CCSER1: variants seen among roughly 807,000 people sequenced by gnomAD.
CCSER1 encodes serine-rich coiled-coil domain-containing protein 1.
Under a neutral mutation model 82.0 loss-of-function variants are expected in CCSER1, and 41 were observed. The ratio of observed to expected loss-of-function variants is 0.50; its 90% CI spans 0.39 to 0.65. CCSER1 has a LOEUF of 0.65. Among genes scored for constraint, CCSER1 ranks in the 30% least tolerant of loss-of-function variants. The pLI is 0.00. For missense variants in CCSER1, 1,119 were observed against 1,064.2 expected, an observed-to-expected ratio of 1.05 and a Z score of -0.72; for synonymous variants, 414 against 383.9, an observed-to-expected ratio of 1.08 and a Z score of -0.92.
intron 8 of CCSER1, among the ~76,000 whole-genome samples, chr4:90,875,212 G>T (rs1289120895): frequency 1.3e-5 from 2 of 152,082 alleles, no homozygotes; most frequent in African/African-American, 4.8e-5. Flanking sequence ...ACAATTACGT[G>T]TTGCACATCA....
chr4:91,397,125 G>T (rs1221364188), intron 10 of CCSER1, among the ~76,000 whole-genome samples: 1 of 152,026 alleles, frequency 6.6e-6, no homozygotes, highest in Non-Finnish European at 1.5e-5. Flanking sequence ...TTCTTGAAAT[G>T]ACTCTCTTGT....
chr4:90,629,211 A>G (rs1723891556), intron 6 of CCSER1, among the ~76,000 whole-genome samples: 1 of 152,210 alleles, frequency 6.6e-6, no homozygotes, highest in Admixed American at 6.5e-5. Context: ...GAAAAAAGGC[A>G]GTATAAAAGA....
At chr4:91,106,014 A>G (rs774299316) in intron 10 of CCSER1, among the ~76,000 whole-genome samples, 5 of 152,208 alleles carry the variant, frequency 3.3e-5, no homozygotes, top group Non-Finnish European at 7.3e-5. Context: ...TTATTATCTG[A>G]TAATCAAAGT....
intron 10 of CCSER1, among the ~76,000 whole-genome samples, chr4:91,417,511 A>G (rs532632044): frequency 1.3e-5 from 2 of 152,198 alleles, no homozygotes; most frequent in Non-Finnish European, 2.9e-5. Flanking sequence ...CTATGCAGCT[A>G]TAAAAAGGAA....
chr4:90,227,755 A>G (rs903992723), intron 1 of CCSER1, among the ~76,000 whole-genome samples: 1 of 152,160 alleles, frequency 6.6e-6, no homozygotes, highest in Non-Finnish European at 1.5e-5. Flanking sequence ...GCGCAAGTCA[A>G]TGGGTGCGCG....
chr4:91,567,609 T>C lies in CCSER1; in HGVS notation c.2218-30963T>C, dbSNP rs1762953665. On this transcript the variant is annotated intron_variant, in intron 10 of 10. Transcript: ENST00000509176. ...TAATATAGTTAGGTCTTTTGTTGAATTGAATTCTTTGCCATTATGTAATGC... is the reference window on the plus strand; with the variant it reads ...TAATATAGTTAGGTCTTTTGTTGAACTGAATTCTTTGCCATTATGTAATGC... 2.0e-5 allele frequency among the ~76,000 whole-genome samples: 3 copies of C among 152,180 alleles called. No homozygotes were observed. The South Asian group carries it at 6.2e-4, about 31-fold the overall frequency.
intron 5 of CCSER1, among the ~76,000 whole-genome samples, chr4:90,494,423 C>T (rs1290141716): frequency 6.6e-6 from 1 of 152,170 alleles, no homozygotes; most frequent in Admixed American, 6.5e-5. Context: ...ACCTAATAGA[C>T]ATCTACAGAA....
At chr4:90,375,906 G>A (rs1435261819) in intron 3 of CCSER1, among the ~76,000 whole-genome samples, 2 of 152,180 alleles carry the variant, frequency 1.3e-5, no homozygotes, top group African/African-American at 2.4e-5. Context: ...ACCGGAGACT[G>A]TAAGGCTTCC....
chr4:90,734,052 T>C (rs1443522820), intron 7 of CCSER1, among the ~76,000 whole-genome samples: 1 of 151,974 alleles, frequency 6.6e-6, no homozygotes, highest in Non-Finnish European at 1.5e-5. Flanking sequence ...TTGTTTTTAA[T>C]ATTTTTGTGA....
intron 8 of CCSER1, among the ~76,000 whole-genome samples, chr4:90,852,483 G>C (rs966467282): frequency 7.9e-5 from 12 of 152,236 alleles, no homozygotes; most frequent in African/African-American, 2.9e-4. Flanking sequence ...TGGTGCTGCA[G>C]AAGCCAGATA....
chr4:90,904,907 G>A (rs887715161), intron 8 of CCSER1, among the ~76,000 whole-genome samples: 26 of 151,698 alleles, frequency 1.7e-4, no homozygotes, highest in African/African-American at 5.6e-4. Flanking sequence ...CTTCTTCTTC[G>A]CCCATTCATC....
chr4:90,480,638 C>T (rs1765795571), intron 5 of CCSER1, among the ~76,000 whole-genome samples: 1 of 152,180 alleles, frequency 6.6e-6, no homozygotes, highest in African/African-American at 2.4e-5. Context: ...ATAGGGAATC[C>T]TTTCCCCATT....
intron 5 of CCSER1, among the ~76,000 whole-genome samples, chr4:90,605,002 C>T (rs979047877): frequency 5.6e-5 from 6 of 107,382 alleles, no homozygotes; most frequent in African/African-American, 1.6e-4. Flanking sequence ...GAGTGAGCTC[C>T]GCTTCCACGT....
chr4:91,175,429 A>G (rs1733230939), intron 10 of CCSER1, among the ~76,000 whole-genome samples: 1 of 152,218 alleles, frequency 6.6e-6, no homozygotes, highest in South Asian at 2.1e-4. Flanking sequence ...ACTAGTTTAC[A>G]GTCCCACCAA....
At chr4:91,094,105 C>T (rs184384764) in intron 10 of CCSER1, among the ~76,000 whole-genome samples, 32 of 152,284 alleles carry the variant, frequency 2.1e-4, no homozygotes, top group African/African-American at 5.8e-4. Flanking sequence ...GCAGGGCATC[C>T]GTCCCTTTGG....
intron 5 of CCSER1, among the ~76,000 whole-genome samples, chr4:90,569,057 C>G (rs1779789553): frequency 6.6e-6 from 1 of 152,000 alleles, no homozygotes; most frequent in African/African-American, 2.4e-5. Flanking sequence ...TGGCCTCTTG[C>G]TTTCTTTTTT....
At chr4:90,828,051 C>T (rs1264743332) in intron 8 of CCSER1, among the ~76,000 whole-genome samples, 1 of 152,156 alleles carries the variant, frequency 6.6e-6, no homozygotes, top group Non-Finnish European at 1.5e-5. Flanking sequence ...TTGTCTTCCT[C>T]TCCTGTGATA....
intron 5 of CCSER1, among the ~76,000 whole-genome samples, chr4:90,559,098 C>T (rs966690656): frequency 6.6e-6 from 1 of 152,134 alleles, no homozygotes; most frequent in Admixed American, 6.5e-5. Flanking sequence ...ATCCACACTG[C>T]TTTGTGAGCT....
chr4:90,471,939 T>G (rs1245871181), intron 5 of CCSER1, among the ~76,000 whole-genome samples: 1 of 151,674 alleles, frequency 6.6e-6, no homozygotes, highest in Non-Finnish European at 1.5e-5. Flanking sequence ...ATTGTGTCAC[T>G]GCACTCCAGT....
Sources: allele counts gnomAD v4.1 joint callset (sites outside exome capture counted in the v4.1 genomes callset), GRCh38; gene constraint gnomAD v4.1.1; transcripts MANE v1.5; gene names NCBI Gene and HGNC (gene_info 2026-07-23, HGNC 2026-07-21).